The following GPC6 variants were observed in gnomAD, a reference collection of about 807,000 sequenced individuals.
The protein encoded by GPC6 is glypican 6.
Under a neutral mutation model 55.2 loss-of-function variants are expected in GPC6, and 14 were observed. The ratio of observed to expected loss-of-function variants is 0.25; its 90% CI spans 0.17 to 0.40. The LOEUF is 0.40. GPC6 is among the 10% of genes least tolerant of loss of function. The pLI is 1.00. For missense variants in GPC6, 641 were observed against 708.5 expected (o/e 0.90, Z 1.08); for synonymous variants, 278 against 259.6 (o/e 1.07, Z -0.68).
At chr13:94,337,257 C>G (rs571307439) in intron 6 of GPC6, among the ~76,000 whole-genome samples, 13 of 152,094 alleles carry the variant, frequency 8.5e-5, no homozygotes, top group African/African-American at 2.9e-4. Flanking sequence ...TGTATTGAAG[C>G]CTTGATATTC....
chr13:93,624,028 T>G (rs1879083203), intron 2 of GPC6, among the ~76,000 whole-genome samples: 1 of 152,154 alleles, frequency 6.6e-6, no homozygotes, highest in African/African-American at 2.4e-5. Flanking sequence ...CCCATCTTAT[T>G]AATATAAGGC....
chr13:93,791,642 G>A (rs1360323537), intron 2 of GPC6, among the ~76,000 whole-genome samples: 1 of 151,412 alleles, frequency 6.6e-6, no homozygotes, highest in Non-Finnish European at 1.5e-5. Context: ...TAATTAAAAT[G>A]TTAAAACATC....
At chr13:93,446,940 ATAAAG>A (rs941396923) in intron 1 of GPC6, among the ~76,000 whole-genome samples, 1 of 152,072 alleles carries the variant, frequency 6.6e-6, no homozygotes, top group Non-Finnish European at 1.5e-5. Flanking sequence ...TAGCAGAAAT[ATAAAG>A]TATTTTACTA....
At chr13:93,775,485 A>C (rs1885437736) in intron 2 of GPC6, among the ~76,000 whole-genome samples, 1 of 152,208 alleles carries the variant, frequency 6.6e-6, no homozygotes, top group Non-Finnish European at 1.5e-5. Context: ...TTTCTAGAAG[A>C]AAATTGTCAT....
At chr13:93,427,281 C>A (rs1877175957) in intron 1 of GPC6, among the ~76,000 whole-genome samples, 1 of 151,804 alleles carries the variant, frequency 6.6e-6, no homozygotes, top group South Asian at 2.1e-4. Flanking sequence ...AAAAAAGAGC[C>A]TGCATCGCCA....
intron 4 of GPC6, among the ~76,000 whole-genome samples, chr13:94,198,116 G>A (rs1594048600): frequency 6.6e-6 from 1 of 152,054 alleles, no homozygotes; most frequent in Admixed American, 6.6e-5. Context: ...ATACAAACAG[G>A]TGTTTCAGCT....
At chr13:93,977,503 TG>T (rs1566631000) in intron 3 of GPC6, among the ~76,000 whole-genome samples, 1 of 147,846 alleles carries the variant, frequency 6.8e-6, no homozygotes, top group Non-Finnish European at 1.5e-5. Context: ...TGTGTGTGTG[TG>T]TGTGTGTGTG....
rs535895675 is a variant in GPC6 at position 93,470,849 on chromosome 13, C to T, written c.161-74414C>T. ...GGATGATAAATGTTATCCATTTCAT[C>T]ATCAGTCATTTTTGCAATTTGCAGA... On this transcript the variant is annotated intron_variant, in intron 1 of 8. Coordinates refer to ENST00000377047, the MANE Select transcript of GPC6 (RefSeq NM_005708.5). Among the ~76,000 whole-genome samples the T allele has an allele frequency of 7.2e-5, 11 of 151,988 alleles. No homozygotes were observed. In the South Asian group the frequency reaches 2.1e-3, roughly 29 times the overall value.
At chr13:94,136,849 C>G (rs569830094) in intron 4 of GPC6, among the ~76,000 whole-genome samples, 13 of 152,256 alleles carry the variant, frequency 8.5e-5, no homozygotes, top group African/African-American at 3.1e-4. Flanking sequence ...ATTAAGAAAA[C>G]ACTAACTTTG....
At position 93,682,823 on chromosome 13, in the gene GPC6, C is replaced by G. The variant is rs954688638; in HGVS notation, c.319+137402C>G. ...AGGAGTTTGAGATCCACCAGGGGAA[C>G]ATGGCAAAACCCTGTCTCTACAAAA... On this transcript the variant is annotated intron_variant, in intron 2 of 8. Transcript: ENST00000377047. Among the ~76,000 whole-genome samples the G allele has an allele frequency of 3.2e-5, 4 of 125,514 alleles. No individual in the cohort carries two copies. In the South Asian group the frequency reaches 1.0e-3, roughly 32 times the overall value. 82.3% of individuals were successfully genotyped at this position (125,514 alleles called of 152,430 possible).
At chr13:93,562,209 A>G (rs1488681151) in intron 2 of GPC6, among the ~76,000 whole-genome samples, 1 of 152,034 alleles carries the variant, frequency 6.6e-6, no homozygotes, top group African/African-American at 2.4e-5. Flanking sequence ...ACCAGACTCA[A>G]GCAGGAGAGA....
Position 93,414,380 on chromosome 13 carries a change from C to T in GPC6, c.161-130883C>T, listed in dbSNP as rs1420528561. ...TCATATAGTGCTTTTGTAGCATGCA[C>T]TATTATCACTGGCTACTTTTCATTG... On this transcript the variant is annotated intron_variant, in intron 1 of 8. Coordinates refer to ENST00000377047, the MANE Select transcript of GPC6 (RefSeq NM_005708.5). 2.6e-5 allele frequency among the ~76,000 whole-genome samples: 4 copies of T among 152,104 alleles called. No homozygotes were observed. The East Asian group carries it at 7.7e-4, about 29-fold the overall frequency.
At chr13:94,081,344 G>A (rs897561502) in intron 4 of GPC6, among the ~76,000 whole-genome samples, 1 of 152,038 alleles carries the variant, frequency 6.6e-6, no homozygotes, top group Non-Finnish European at 1.5e-5. Flanking sequence ...GGAACTCAAA[G>A]ACATATTATC....
chr13:93,271,351 C>G (rs893450469), intron 1 of GPC6, among the ~76,000 whole-genome samples: 1 of 152,046 alleles, frequency 6.6e-6, no homozygotes, highest in African/African-American at 2.4e-5. Flanking sequence ...CTGCCCTCCC[C>G]CAAGACAGTG....
chr13:93,471,296 T>C (rs2590547), intron 1 of GPC6, among the ~76,000 whole-genome samples: 123,423 of 150,088 alleles, frequency 0.82, 50,820 homozygotes, highest in East Asian at 0.99. Flanking sequence ...AGGCAGATCA[T>C]GAGGTCAGGA....
chr13:94,008,163 G>T lies in GPC6; in HGVS notation c.712-19566G>T, dbSNP rs189671302. 1.4e-4 allele frequency among the ~76,000 whole-genome samples: 22 copies of T among 152,118 alleles called. 1 individual carries two copies. Among genetic ancestry groups the T allele is most frequent in the Admixed American group, 1.3e-3 (20 of 15,280 alleles). Reference sequence around the variant, plus strand: ...CACATCTCTCACACATACTCACATGGTCACAATCATCCTGAAACCTTCAAT... The same window carrying T: ...CACATCTCTCACACATACTCACATGTTCACAATCATCCTGAAACCTTCAAT... On this transcript the variant is annotated intron_variant, in intron 3 of 8. Transcript: ENST00000377047.
chr13:93,830,573 T>A, intron 3 of GPC6, 28 bp downstream of exon 3: 2 of 1,557,992 alleles, frequency 1.3e-6, no homozygotes, highest in Non-Finnish European at 1.8e-6. Context: ...TTCTTTCTCA[T>A]TGGTGTTCCT....
chr13:93,711,936 A>G (rs1206028403), intron 2 of GPC6, among the ~76,000 whole-genome samples: 2 of 151,864 alleles, frequency 1.3e-5, no homozygotes, highest in Middle Eastern at 3.4e-3. Flanking sequence ...TGGTGAGATC[A>G]AGCCCGAGTT....
At chr13:93,304,502 T>A (rs749245644) in intron 1 of GPC6, among the ~76,000 whole-genome samples, 2 of 152,234 alleles carry the variant, frequency 1.3e-5, no homozygotes, top group African/African-American at 2.4e-5. Flanking sequence ...TTTTCCCCAC[T>A]TTGATTCAAA....
Sources: gnomAD v4.1 joint callset for allele counts (sites outside exome capture counted in the v4.1 genomes callset) on GRCh38, gnomAD v4.1.1 for gene constraint, MANE v1.5 for transcripts, NCBI Gene and HGNC (gene_info 2026-07-23, HGNC 2026-07-21) for gene names.